Variants in MN1 observed in about 807,000 individuals in gnomAD.
The protein encoded by MN1 is transcriptional activator MN1.
A neutral mutation model predicts 86.9 loss-of-function variants in MN1; 19 were observed. The observed-to-expected ratio is 0.22, with a 90% CI of 0.15 to 0.32. The LOEUF is 0.32. Ranked by LOEUF, MN1 falls within the 10% of genes least tolerant of loss-of-function variation. MN1 has a pLI of 1.00. For missense variants in MN1, 1,841 were observed against 1,862.0 expected (o/e 0.99, Z 0.21); for synonymous variants, 928 against 849.6 (o/e 1.09, Z -1.60).
chr22:27,795,613 AAAAG>A (rs1302751301), intron 1 of MN1, among the ~76,000 whole-genome samples: 7 of 152,178 alleles, frequency 4.6e-5, no homozygotes, highest in African/African-American at 1.7e-4. Context: ...ACTATAGTTT[AAAAG>A]AAAGACATAG....
Position 27,797,128 on chromosome 22 carries a change from G to C in MN1, c.3416C>G (p.Thr1139Arg). 6.3e-7 allele frequency: 1 copy of C among 1,580,304 alleles called. No homozygotes were observed. The highest frequency in any genetic ancestry group is 8.6e-7 in the Non-Finnish European group (1 of 1,165,196). ...GGGTGGCGGGGCGCCGCTGCTGCTC[G>C]TCGGGGTGCGGACCTGCTCCAGGCC... is the stretch of plus-strand genomic sequence containing the variant. ...TPGLEQVRTPTSSSGAPPPDE... is the reference protein window; with the variant it reads ...TPGLEQVRTPRSSSGAPPPDE... Residue 1139 changes from threonine to arginine, a missense_variant, in exon 1 of 2, where the codon ACG becomes AGG. Thr to Arg is a moderately conservative substitution (Grantham distance 71, BLOSUM62 -1). Coordinates refer to ENST00000302326, the MANE Select transcript of MN1 (RefSeq NM_002430.3).
chr22:27,748,841 G>A lies in MN1; in HGVS notation c.*2074C>T, dbSNP rs1032073198. On this transcript the variant is annotated 3_prime_UTR_variant, in exon 2 of 2. Transcript: ENST00000302326. ...CAGAAGTTAAGACACTTTGCTCCCC[G>A]GCCTTAAGCAATTAAGGAGAAATCA... 8 of 224,804 alleles carry A rather than the reference G, an allele frequency of 3.6e-5. No individual in the cohort carries two copies. The highest frequency in any genetic ancestry group is 6.4e-5 in the East Asian group (1 of 15,598). The allele number at this position is 224,804 out of a possible 1,614,324, so 13.9% of individuals were successfully genotyped here.
At chr22:27,752,929 G>A (rs547784332) in intron 1 of MN1, among the ~76,000 whole-genome samples, 5 of 152,288 alleles carry the variant, frequency 3.3e-5, no homozygotes, top group Non-Finnish European at 7.4e-5. Context: ...AGGAGTCACC[G>A]GCCCGCCCTG....
intron 1 of MN1, among the ~76,000 whole-genome samples, chr22:27,788,606 A>C (rs544341858): frequency 6.6e-6 from 1 of 152,018 alleles, no homozygotes; most frequent in East Asian, 1.9e-4. Flanking sequence ...ACAGTAACTG[A>C]AAAGGGTCAT....
chr22:27,759,863 G>C (rs1444646087), intron 1 of MN1, among the ~76,000 whole-genome samples: 2 of 152,194 alleles, frequency 1.3e-5, no homozygotes, highest in African/African-American at 4.8e-5. Context: ...AAAATGACTA[G>C]TGGTTTGGGT....
intron 1 of MN1, among the ~76,000 whole-genome samples, chr22:27,755,693 G>A (rs895453486): frequency 6.6e-6 from 1 of 152,128 alleles, no homozygotes; most frequent in Non-Finnish European, 1.5e-5. Context: ...ATACTGCAGA[G>A]GTTCAGTCTG....
At chr22:27,789,568 C>T (rs982468732) in intron 1 of MN1, among the ~76,000 whole-genome samples, 5 of 152,158 alleles carry the variant, frequency 3.3e-5, no homozygotes, top group East Asian at 1.9e-4. Context: ...GATGAGAACA[C>T]GAAAACGTGA....
In MN1 at chr22:27,768,967, A is replaced by AG. The variant is rs1314993792; in HGVS notation, c.3782-17872dup. Among the ~76,000 whole-genome samples the AG allele has an allele frequency of 2.0e-5, 3 of 152,328 alleles. No homozygotes were observed. The East Asian group carries it at 5.8e-4, about 29-fold the overall frequency. On this transcript the variant is annotated intron_variant, in intron 1 of 1. Coordinates refer to ENST00000302326, the MANE Select transcript of MN1 (RefSeq NM_002430.3). Reference sequence around the variant, plus strand: ...AAGTTCTATGGGACAATACTGATCTAGAAAAATAATCTACAAAGTCTCTCC... The same window carrying AG: ...AAGTTCTATGGGACAATACTGATCTAGGAAAAATAATCTACAAAGTCTCTCC...
chr22:27,765,509 C>T (rs45543735), intron 1 of MN1, among the ~76,000 whole-genome samples: 2,178 of 152,344 alleles, frequency 0.014, 60 homozygotes, highest in African/African-American at 0.05. Flanking sequence ...GAGGGAGACT[C>T]GAGCGGGGGC....
At chr22:27,784,952 G>A (rs1933103007) in intron 1 of MN1, among the ~76,000 whole-genome samples, 1 of 151,952 alleles carries the variant, frequency 6.6e-6, no homozygotes, top group Non-Finnish European at 1.5e-5. Flanking sequence ...AAAACAAATG[G>A]TATGAGTCCC....
At chr22:27,751,931 T>C (rs963145541) in intron 1 of MN1, among the ~76,000 whole-genome samples, 2 of 152,032 alleles carry the variant, frequency 1.3e-5, no homozygotes, top group East Asian at 3.9e-4. Flanking sequence ...CTGCCCCTCA[T>C]TGGTGTGCAG....
intron 1 of MN1, among the ~76,000 whole-genome samples, chr22:27,787,859 C>T (rs190435486): frequency 2.2e-4 from 33 of 152,164 alleles, no homozygotes; most frequent in Non-Finnish European, 3.2e-4. Flanking sequence ...GAGCCTGCCT[C>T]GGCCACTAAC....
chr22:27,798,309 G>A lies in MN1; in HGVS notation c.2235C>T (p.Gly745=), dbSNP rs1351951767. 2 of 1,522,000 alleles carry A rather than the reference G, an allele frequency of 1.3e-6. No individual in the cohort carries two copies. The highest frequency in any genetic ancestry group is 1.4e-5 in the African/African-American group (1 of 70,588). The allele number at this position is 1,522,000 out of a possible 1,614,324, so 94.3% of individuals were successfully genotyped here. The change falls in exon 1 of 2, where the codon GGC becomes GGT. Residue 745 remains glycine (G), a synonymous_variant. Transcript: ENST00000302326. Reference sequence around the variant, plus strand: ...GCCGGCCGGCTGCACCAAACGGAAAGCCCGGCTGGCCCCCGAGCGCAGACG... The same window carrying A: ...GCCGGCCGGCTGCACCAAACGGAAAACCCGGCTGGCCCCCGAGCGCAGACG... ...FATSALGGQP[G]FPFGAAGRQS...
At chr22:27,759,920 T>C (rs577727214) in intron 1 of MN1, among the ~76,000 whole-genome samples, 1 of 152,318 alleles carries the variant, frequency 6.6e-6, no homozygotes, top group East Asian at 1.9e-4. Context: ...TCTGGGGCAA[T>C]CAGATTTCAC....
At chr22:27,795,296 G>A (rs982141646) in intron 1 of MN1, among the ~76,000 whole-genome samples, 24 of 152,102 alleles carry the variant, frequency 1.6e-4, no homozygotes, top group Non-Finnish European at 2.9e-4. Context: ...AAGCGGGAAA[G>A]CTACCCGGGA....
intron 1 of MN1, among the ~76,000 whole-genome samples, chr22:27,755,023 G>C (rs959836342): frequency 6.6e-6 from 1 of 152,160 alleles, no homozygotes; most frequent in African/African-American, 2.4e-5. Flanking sequence ...ACTGTGAAGC[G>C]CCCTTCATCC....
At chr22:27,765,334 T>C (rs766606705) in intron 1 of MN1, among the ~76,000 whole-genome samples, 3 of 152,190 alleles carry the variant, frequency 2.0e-5, no homozygotes, top group Non-Finnish European at 4.4e-5. Flanking sequence ...ATCTTCCCTC[T>C]TGGGCTACAG....
chr22:27,769,570 T>TTTTTTTTTTTTTA (rs1568974122), intron 1 of MN1, among the ~76,000 whole-genome samples: 5 of 143,354 alleles, frequency 3.5e-5, no homozygotes, highest in Admixed American at 7.0e-5. Flanking sequence ...TTTTTTTTTT[T>TTTTTTTTTTTTTA]GAGACAGAGT....
intron 1 of MN1, among the ~76,000 whole-genome samples, chr22:27,778,684 C>G (rs925813201): frequency 3.3e-5 from 5 of 152,232 alleles, no homozygotes; most frequent in African/African-American, 1.2e-4. Context: ...GGCCACAGGC[C>G]TGGCTTCCTG....
Sources: allele counts gnomAD v4.1 joint callset (sites outside exome capture counted in the v4.1 genomes callset), GRCh38; gene constraint gnomAD v4.1.1; transcripts MANE v1.5; gene names NCBI Gene and HGNC (gene_info 2026-07-23, HGNC 2026-07-21).